The following ADAMTSL1 variants were observed in gnomAD, a reference collection of about 807,000 sequenced individuals.
ADAMTSL1 encodes ADAMTS like 1, also known as ADAMTS-like protein 1.
In ADAMTSL1, 126 loss-of-function variants were observed where a neutral mutation model predicts 201.8. That is an observed-to-expected ratio of 0.62 (90% CI 0.54 to 0.72). The LOEUF is 0.72. Ranked by LOEUF, ADAMTSL1 falls within the 30% of genes least tolerant of loss-of-function variation. ADAMTSL1 has a pLI of 0.00. For missense variants in ADAMTSL1, 2,679 were observed against 2,277.8 expected (o/e 1.18, Z -3.59); for synonymous variants, 1,121 against 903.4 (o/e 1.24, Z -4.32).
rs1833038858 is a variant in ADAMTSL1 at position 18,287,458 on chromosome 9, CAT to C, written c.207+123482_207+123483del. 2.6e-5 allele frequency among the ~76,000 whole-genome samples: 4 copies of C among 151,166 alleles called. No individual in the cohort carries two copies. The South Asian group carries it at 8.4e-4, about 32-fold the overall frequency. On this transcript the variant is annotated intron_variant, in intron 2 of 29. Coordinates refer to the ADAMTSL1 transcript ENST00000680146. ...TACATATATGTATGTGTATTTTACA[CAT>C]ATATGTAAATGTATGTTCAGATATG...
intron 4 of ADAMTSL1, chr9:18,574,595 T>TTGTG (rs10650608): frequency 0.052 from 17,478 of 338,990 alleles, 326 homozygotes; most frequent in Middle Eastern, 0.068. Flanking sequence ...GTGTTTGTGT[T>TTGTG]TGTGTGTGTG....
chr9:18,853,347 G>T (rs1457372384), intron 23 of ADAMTSL1, among the ~76,000 whole-genome samples: 1 of 152,154 alleles, frequency 6.6e-6, no homozygotes, highest in Non-Finnish European at 1.5e-5. Flanking sequence ...CCCAAAATTT[G>T]GAGTCTAGGG....
chr9:18,499,966 T>C (rs1425986426), intron 1 of ADAMTSL1, among the ~76,000 whole-genome samples: 1 of 152,216 alleles, frequency 6.6e-6, no homozygotes, highest in Non-Finnish European at 1.5e-5. Context: ...TGTATATGCG[T>C]GTCTCTGAGC....
intron 1 of ADAMTSL1, among the ~76,000 whole-genome samples, chr9:18,007,883 G>A (rs1320038085): frequency 3.3e-5 from 5 of 151,906 alleles, no homozygotes; most frequent in African/African-American, 9.7e-5. Context: ...GCTAATGAAG[G>A]AAAATTATGA....
In ADAMTSL1 at chr9:18,309,909, G is replaced by A. The variant is rs1174115703; in HGVS notation, c.207+145928G>A. ...TTCCTAAGCAAAAAGAATAAAGGTG[G>A]AGGCATCATGCTACCTAACTTCAAA... is the stretch of plus-strand genomic sequence containing the variant. On this transcript the variant is annotated intron_variant, in intron 2 of 29. Coordinates refer to the ADAMTSL1 transcript ENST00000680146. Among the ~76,000 whole-genome samples the A allele has an allele frequency of 2.0e-5, 3 of 152,014 alleles. No homozygotes were observed. In the East Asian group the frequency reaches 5.8e-4, roughly 29 times the overall value.
intron 2 of ADAMTSL1, among the ~76,000 whole-genome samples, chr9:18,201,931 CA>C (rs1829464966): frequency 6.6e-6 from 1 of 152,104 alleles, no homozygotes; most frequent in Non-Finnish European, 1.5e-5. Flanking sequence ...AATAATTTAT[CA>C]CCACTGAATT....
intron 1 of ADAMTSL1, among the ~76,000 whole-genome samples, chr9:17,986,344 A>G (rs1455211733): frequency 6.6e-6 from 1 of 152,012 alleles, no homozygotes; most frequent in Non-Finnish European, 1.5e-5. Context: ...GTAAAGGCTG[A>G]CCCATTCATT....
At chr9:18,098,393 A>T (rs1480487717) in intron 1 of ADAMTSL1, among the ~76,000 whole-genome samples, 1 of 152,182 alleles carries the variant, frequency 6.6e-6, no homozygotes, top group Non-Finnish European at 1.5e-5. Flanking sequence ...ATATCTTTTT[A>T]AAAATGTAGA....
intron 2 of ADAMTSL1, among the ~76,000 whole-genome samples, chr9:18,370,329 T>C (rs542682044): frequency 6.6e-6 from 1 of 150,802 alleles, no homozygotes; most frequent in African/African-American, 2.4e-5. Context: ...GGAGAATGGA[T>C]GAGGGTTGAA....
At chr9:18,454,239 C>T (rs772028593) in intron 2 of ADAMTSL1, among the ~76,000 whole-genome samples, 1 of 152,168 alleles carries the variant, frequency 6.6e-6, no homozygotes, top group African/African-American at 2.4e-5. Flanking sequence ...CATATAATCC[C>T]AAGGCTGGAG....
At chr9:18,056,865 C>T (rs1028904074) in intron 1 of ADAMTSL1, among the ~76,000 whole-genome samples, 1 of 152,092 alleles carries the variant, frequency 6.6e-6, no homozygotes, top group African/African-American at 2.4e-5. Context: ...GTGCCTCTTC[C>T]TCACTTTTCA....
chr9:18,138,828 A>C (rs968804184), intron 1 of ADAMTSL1, among the ~76,000 whole-genome samples: 1 of 152,162 alleles, frequency 6.6e-6, no homozygotes, highest in Non-Finnish European at 1.5e-5. Flanking sequence ...TTGAAATGTC[A>C]AGACCAAGAT....
chr9:18,045,750 C>G (rs1586942656), intron 1 of ADAMTSL1, among the ~76,000 whole-genome samples: 1 of 151,398 alleles, frequency 6.6e-6, no homozygotes, highest in African/African-American at 2.4e-5. Flanking sequence ...GAGTTGTTTT[C>G]TTTAAGAAAA....
chr9:17,963,219 T>C (rs1347143679), intron 1 of ADAMTSL1, among the ~76,000 whole-genome samples: 1 of 152,216 alleles, frequency 6.6e-6, no homozygotes, highest in Non-Finnish European at 1.5e-5. Flanking sequence ...GTCAAAATAA[T>C]TTGAAATCTT....
chr9:18,415,606 A>T (rs1437628246), intron 2 of ADAMTSL1, among the ~76,000 whole-genome samples: 1 of 152,018 alleles, frequency 6.6e-6, no homozygotes, highest in Admixed American at 6.6e-5. Flanking sequence ...TGAAGTTGGG[A>T]GGGGGTACAG....
chr9:18,903,837 C>G (rs1168120588), intron 26 of ADAMTSL1, among the ~76,000 whole-genome samples: 1 of 151,060 alleles, frequency 6.6e-6, no homozygotes, highest in East Asian at 1.9e-4. Flanking sequence ...TTTCACATCC[C>G]AAGACCTTTG....
At chr9:18,588,314 A>T (rs530255033) in intron 4 of ADAMTSL1, among the ~76,000 whole-genome samples, 1 of 151,622 alleles carries the variant, frequency 6.6e-6, no homozygotes, top group South Asian at 2.1e-4. Flanking sequence ...TTTATCAGAA[A>T]TTTTTTTTCT....
chr9:18,514,084 C>G (rs1818208281), intron 2 of ADAMTSL1, among the ~76,000 whole-genome samples: 2 of 152,072 alleles, frequency 1.3e-5, no homozygotes, highest in African/African-American at 4.8e-5. Context: ...CATTGGGTAA[C>G]ATGGACATTT....
rs533028768 is a variant in ADAMTSL1, at chr9:17,910,949, G to T, written c.87+4027G>T. Among the ~76,000 whole-genome samples, 72 of 68,882 alleles carry T rather than the reference G, an allele frequency of 1.0e-3. 14 individuals are homozygous for T. Among genetic ancestry groups the T allele is most frequent in the African/African-American group, 2.1e-3 (71 of 34,228 alleles). The allele number at this position is 68,882 out of a possible 152,430, so 45.2% of individuals were successfully genotyped here. A position where few individuals can be genotyped will look rare whatever the true frequency, so the allele number is the denominator to read the frequency against. On this transcript the variant is annotated intron_variant, in intron 1 of 29. Coordinates refer to the ADAMTSL1 transcript ENST00000680146. Reference sequence around the variant, plus strand: ...TTTTGAATCAAAACACTCAATACATGAAGGTATAACAAACAGACCTCCCGT... The same window carrying T: ...TTTTGAATCAAAACACTCAATACATTAAGGTATAACAAACAGACCTCCCGT...
Sources: gnomAD v4.1 joint callset for allele counts (sites outside exome capture counted in the v4.1 genomes callset) on GRCh38, gnomAD v4.1.1 for gene constraint, MANE v1.5 for transcripts, NCBI Gene and HGNC (gene_info 2026-07-23, HGNC 2026-07-21) for gene names.